Variants in CAMK2D observed in about 807,000 individuals in gnomAD.
The protein encoded by CAMK2D is calcium/calmodulin dependent protein kinase II delta, also known as calcium/calmodulin-dependent protein kinase type II subunit delta.
Under a neutral mutation model 84.0 loss-of-function variants are expected in CAMK2D, and 37 were observed. The ratio of observed to expected loss-of-function variants is 0.44; its 90% CI spans 0.34 to 0.58. CAMK2D has a LOEUF of 0.58. Among genes scored for constraint, CAMK2D ranks in the 20% least tolerant of loss-of-function variants. CAMK2D has a pLI of 0.02. For missense variants in CAMK2D, 448 were observed against 652.5 expected, an observed-to-expected ratio of 0.69 and a Z score of 3.41; for synonymous variants, 202 against 212.5, an observed-to-expected ratio of 0.95 and a Z score of 0.43.
chr4:113,760,659 C>T lies in CAMK2D; in HGVS notation c.65+345G>A, dbSNP rs115688653. 4.8e-3 allele frequency among the ~76,000 whole-genome samples: 728 copies of T among 152,186 alleles called. 9 individuals carry two copies. Among genetic ancestry groups the T allele is most frequent in the African/African-American group, 0.017 (690 of 41,502 alleles). ...TTTACATGGGTTCTAATTTCCTCTC[C>T]AAACACACATTACACACAGGCGCGC... is the stretch of plus-strand genomic sequence containing the variant. On this transcript the variant is annotated intron_variant, in intron 1 of 20. Transcript: ENST00000511664.
intron 2 of CAMK2D, among the ~76,000 whole-genome samples, chr4:113,714,188 C>T (rs924076033): frequency 1.3e-5 from 2 of 151,730 alleles, no homozygotes; most frequent in Admixed American, 1.3e-4. Flanking sequence ...TTTATGATAC[C>T]ACCTTTAAGA....
chr4:113,591,636 C>T lies in CAMK2D; in HGVS notation c.275+17516G>A, dbSNP rs76401777. Reference sequence around the variant, plus strand: ...GCAAGGATGGTAAAACTGGAAGTTGCTTTGGAAATTGCTCCCAGCTGGTTT... The same window carrying T: ...GCAAGGATGGTAAAACTGGAAGTTGTTTTGGAAATTGCTCCCAGCTGGTTT... On this transcript the variant is annotated intron_variant, in intron 4 of 20. Transcript: ENST00000511664. Among the ~76,000 whole-genome samples, 857 of 152,272 alleles carry T rather than the reference C, an allele frequency of 5.6e-3. 31 individuals are homozygous for T. The East Asian group carries it at 0.12, about 21-fold the overall frequency.
At chr4:113,470,951 TATATG>T (rs2097540501) in intron 16 of CAMK2D, among the ~76,000 whole-genome samples, 1 of 152,228 alleles carries the variant, frequency 6.6e-6, no homozygotes, top group South Asian at 2.1e-4. Context: ...CTTTTTAAAA[TATATG>T]ATGGTACATT....
chr4:113,577,192 G>A (rs186800598), intron 4 of CAMK2D, among the ~76,000 whole-genome samples: 13 of 152,168 alleles, frequency 8.5e-5, no homozygotes, highest in Middle Eastern at 3.4e-3. Flanking sequence ...GCCTGGATGC[G>A]TAAAGAATTC....
chr4:113,626,421 T>C (rs2099068561), intron 3 of CAMK2D, among the ~76,000 whole-genome samples: 1 of 152,230 alleles, frequency 6.6e-6, no homozygotes, highest in African/African-American at 2.4e-5. Context: ...TTGTGTACTA[T>C]TGTTATTATT....
chr4:113,701,189 G>A (rs535238307), intron 2 of CAMK2D, among the ~76,000 whole-genome samples: 1 of 152,268 alleles, frequency 6.6e-6, no homozygotes. Context: ...CCAGGATAAA[G>A]CCTTTTGGGC....
chr4:113,539,516 T>C (rs1024227672), intron 6 of CAMK2D, among the ~76,000 whole-genome samples: 3 of 152,264 alleles, frequency 2.0e-5, no homozygotes, highest in Non-Finnish European at 4.4e-5. Flanking sequence ...GCAGGGCTTG[T>C]GTGCATTGTG....
At chr4:113,697,321 G>A (rs1244677712) in intron 2 of CAMK2D, among the ~76,000 whole-genome samples, 2 of 152,094 alleles carry the variant, frequency 1.3e-5, no homozygotes, top group African/African-American at 4.8e-5. Flanking sequence ...GACATAGATA[G>A]TTACAGAAGA....
At chr4:113,748,258 C>T (rs1161927599) in intron 2 of CAMK2D, among the ~76,000 whole-genome samples, 1 of 151,332 alleles carries the variant, frequency 6.6e-6, no homozygotes, top group Non-Finnish European at 1.5e-5. Flanking sequence ...TTCATTTATC[C>T]AGCACCTAGC....
In CAMK2D at chr4:113,759,271, A is replaced by G. The variant is rs764521755; in HGVS notation, c.160+49T>C. 2.0e-5 allele frequency: 23 copies of G among 1,168,752 alleles called. No homozygotes were observed. In the South Asian group the frequency reaches 2.9e-4, roughly 15 times the overall value. 72.4% of individuals were successfully genotyped at this position (1,168,752 alleles called of 1,614,324 possible). ...TTTACATACAACAGAACCTATAATC[A>G]ACATGACAAATACAAAATTAACCAA... On this transcript the variant is annotated intron_variant, in intron 2 of 20. Coordinates refer to ENST00000511664, the MANE Select transcript of CAMK2D (RefSeq NM_001321571.2).
chr4:113,740,917 T>C (rs1236511755), intron 2 of CAMK2D, among the ~76,000 whole-genome samples: 1 of 152,076 alleles, frequency 6.6e-6, no homozygotes, highest in Admixed American at 6.6e-5. Context: ...GTGGAAAAAT[T>C]CTGAAATAAA....
At chr4:113,738,482 A>AT (rs1011804202) in intron 2 of CAMK2D, among the ~76,000 whole-genome samples, 9 of 151,934 alleles carry the variant, frequency 5.9e-5, no homozygotes, top group East Asian at 1.9e-4. Flanking sequence ...TACCAACCTG[A>AT]TTTTTTTTAA....
At chr4:113,620,215 T>C (rs991028472) in intron 3 of CAMK2D, among the ~76,000 whole-genome samples, 3 of 152,104 alleles carry the variant, frequency 2.0e-5, no homozygotes, top group Non-Finnish European at 2.9e-5. Context: ...CTTGGTTCTG[T>C]GGTGTGTAGA....
intron 2 of CAMK2D, among the ~76,000 whole-genome samples, chr4:113,674,346 T>C (rs1326516525): frequency 6.6e-6 from 1 of 152,198 alleles, no homozygotes; most frequent in Non-Finnish European, 1.5e-5. Context: ...TCGTTCATCA[T>C]TCATTGAGAA....
chr4:113,673,596 GCAT>G (rs1404867192), intron 2 of CAMK2D, among the ~76,000 whole-genome samples: 1 of 152,234 alleles, frequency 6.6e-6, no homozygotes, highest in Non-Finnish European at 1.5e-5. Context: ...CAGCAATCAT[GCAT>G]CTAACAGAGG....
At chr4:113,529,471 G>A (rs1019570714) in intron 8 of CAMK2D, among the ~76,000 whole-genome samples, 14 of 152,298 alleles carry the variant, frequency 9.2e-5, no homozygotes, top group Admixed American at 7.9e-4. Context: ...TCTGTCTGCA[G>A]CACACTAAAG....
In CAMK2D at chr4:113,590,411, A is replaced by T. The variant is rs192525317; in HGVS notation, c.275+18741T>A. Among the ~76,000 whole-genome samples, 19 of 152,340 alleles carry T rather than the reference A, an allele frequency of 1.2e-4. 1 individual carries two copies. In the East Asian group the frequency reaches 3.5e-3, roughly 28 times the overall value. On this transcript the variant is annotated intron_variant, in intron 4 of 20. Coordinates refer to ENST00000511664, the MANE Select transcript of CAMK2D (RefSeq NM_001321571.2). ...TAGGAGAATGACAGAACTCCTTTAA[A>T]GAAAATTCTAAAATCTGATTCCCCA...
intron 3 of CAMK2D, among the ~76,000 whole-genome samples, chr4:113,658,721 T>C (rs1355883751): frequency 1.3e-5 from 2 of 152,214 alleles, no homozygotes; most frequent in African/African-American, 2.4e-5. Context: ...AGTGAGTAAA[T>C]GATACAGGTG....
At chr4:113,531,876 G>T (rs77732843) in intron 7 of CAMK2D, among the ~76,000 whole-genome samples, 5 of 152,104 alleles carry the variant, frequency 3.3e-5, no homozygotes, top group African/African-American at 1.2e-4. Context: ...TATTGGTATA[G>T]AATTCAATAA....
Sources: gnomAD v4.1 joint callset for allele counts (sites outside exome capture counted in the v4.1 genomes callset) on GRCh38, gnomAD v4.1.1 for gene constraint, MANE v1.5 for transcripts, NCBI Gene and HGNC (gene_info 2026-07-23, HGNC 2026-07-21) for gene names.